KANK1: variants seen among roughly 807,000 people sequenced by gnomAD.
KANK1 encodes the protein KN motif and ankyrin repeat domain-containing protein 1.
A neutral mutation model predicts 106.2 loss-of-function variants in KANK1; 109 were observed. That is an observed-to-expected ratio of 1.03 (90% confidence interval 0.88 to 1.20). The LOEUF (loss-of-function observed/expected upper bound fraction) is 1.20, where lower values mean the gene tolerates loss of function less well. Ranked by LOEUF, KANK1 falls within the 50% of genes most tolerant of loss-of-function variation. The pLI is 0.00. For synonymous variants in KANK1, 873 were observed against 652.2 expected, an observed-to-expected ratio of 1.34 and a Z score of -5.16; for missense variants, 2,399 against 1,710.7, an observed-to-expected ratio of 1.40 and a Z score of -7.10.
At chr9:649,727 G>T (rs1840466494) in intron 1 of KANK1, among the ~76,000 whole-genome samples, 1 of 152,136 alleles carries the variant, frequency 6.6e-6, no homozygotes, top group Admixed American at 6.5e-5. Flanking sequence ...TTCATTCACT[G>T]TGAGCTATGT....
chr9:672,072 C>G (rs911809992), intron 1 of KANK1, among the ~76,000 whole-genome samples: 1 of 152,226 alleles, frequency 6.6e-6, no homozygotes, highest in Non-Finnish European at 1.5e-5. Flanking sequence ...ATATGCATCA[C>G]TCATTTATGC....
rs143137196 is a variant in KANK1 at position 535,444 on chromosome 9, C to G, written c.-84+30690C>G. 5.8e-3 allele frequency among the ~76,000 whole-genome samples: 878 copies of G among 152,304 alleles called. 12 individuals carry two copies. The highest frequency in any genetic ancestry group is 0.021 in the African/African-American group (864 of 41,550). On this transcript the variant is annotated intron_variant, in intron 1 of 11. Coordinates refer to ENST00000382297, the MANE Select transcript of KANK1 (RefSeq NM_015158.5). ...AGAGAAATAGCTCACATTTTTGGTG[C>G]CTACTCTGTACTGGGCACTGTACTG...
At chr9:527,701 T>C (rs2059858413) in intron 1 of KANK1, among the ~76,000 whole-genome samples, 2 of 151,392 alleles carry the variant, frequency 1.3e-5, no homozygotes, top group South Asian at 4.1e-4. Context: ...TGTCTTTTTT[T>C]TTTTTTTCTT....
intron 1 of KANK1, among the ~76,000 whole-genome samples, chr9:656,059 AG>A (rs1842073155): frequency 6.6e-6 from 1 of 152,160 alleles, no homozygotes; most frequent in Non-Finnish European, 1.5e-5. Context: ...TGCAGGAGCT[AG>A]TCACTTTTGG....
intron 2 of KANK1, among the ~76,000 whole-genome samples, chr9:705,130 C>T (rs145960818): frequency 6.3e-4 from 95 of 151,494 alleles, no homozygotes; most frequent in African/African-American, 2.1e-3. Context: ...ATGTCCTTAA[C>T]ACTAATATTT....
intron 1 of KANK1, among the ~76,000 whole-genome samples, chr9:637,172 C>T (rs1373579516): frequency 2.0e-5 from 3 of 152,182 alleles, no homozygotes; most frequent in Non-Finnish European, 2.9e-5. Context: ...CTTCTCTCAA[C>T]CCTATTCTTT....
At chr9:683,845 T>A (rs1382615762) in intron 2 of KANK1, among the ~76,000 whole-genome samples, 2 of 152,232 alleles carry the variant, frequency 1.3e-5, no homozygotes, top group Non-Finnish European at 2.9e-5. Flanking sequence ...GCATTTCAAC[T>A]TTCAATGAAA....
At chr9:570,079 T>G (rs927215291) in intron 1 of KANK1, among the ~76,000 whole-genome samples, 2 of 152,182 alleles carry the variant, frequency 1.3e-5, no homozygotes, top group African/African-American at 4.8e-5. Flanking sequence ...GTATTGGGTT[T>G]TTTGTTTGTT....
intron 1 of KANK1, among the ~76,000 whole-genome samples, chr9:535,580 G>T (rs1265592564): frequency 6.6e-6 from 1 of 152,168 alleles, no homozygotes; most frequent in East Asian, 1.9e-4. Flanking sequence ...AAGGAAAATG[G>T]CTTTACTCTC....
At chr9:600,172 G>C (rs1310394661) in intron 1 of KANK1, among the ~76,000 whole-genome samples, 2 of 151,418 alleles carry the variant, frequency 1.3e-5, no homozygotes, top group African/African-American at 4.9e-5. Flanking sequence ...CAAAACAAAA[G>C]CGCTATATCT....
intron 1 of KANK1, among the ~76,000 whole-genome samples, chr9:568,326 A>G (rs1401824436): frequency 6.6e-6 from 1 of 152,218 alleles, no homozygotes; most frequent in African/African-American, 2.4e-5. Context: ...TTATAAAGTA[A>G]GCATTTCCTT....
chr9:700,147 C>T (rs1481426543), intron 2 of KANK1, among the ~76,000 whole-genome samples: 1 of 152,146 alleles, frequency 6.6e-6, no homozygotes, highest in Non-Finnish European at 1.5e-5. Context: ...CCTGAATGAA[C>T]GGGTTTTATC....
At chr9:559,349 T>C (rs1252417323) in intron 1 of KANK1, among the ~76,000 whole-genome samples, 2 of 152,178 alleles carry the variant, frequency 1.3e-5, no homozygotes, top group African/African-American at 4.8e-5. Flanking sequence ...TGATTTTCAT[T>C]TTTTCCAAGC....
intron 3 of KANK1, among the ~76,000 whole-genome samples, chr9:492,758 C>T (rs1165677297): frequency 2.0e-5 from 3 of 152,088 alleles, no homozygotes; most frequent in Non-Finnish European, 2.9e-5. Flanking sequence ...GGTGCGGTGT[C>T]ATATGCCTAT....
intron 1 of KANK1, chr9:549,763 G>C (rs573189854): frequency 6.6e-6 from 1 of 152,316 alleles, no homozygotes; most frequent in Admixed American, 6.5e-5. Flanking sequence ...ACTATGAAGC[G>C]GGGTGAGGGG....
intron 3 of KANK1, among the ~76,000 whole-genome samples, chr9:715,735 C>G (rs1365547498): frequency 6.6e-6 from 1 of 152,186 alleles, no homozygotes; most frequent in Admixed American, 6.6e-5. Flanking sequence ...CACACAAGAA[C>G]AAATTTTAAG....
At chr9:484,416 G>A (rs192532550) in intron 3 of KANK1, 9 of 152,316 alleles carry the variant, frequency 5.9e-5, no homozygotes, top group African/African-American at 2.2e-4. Flanking sequence ...CAGTGCCTCT[G>A]CTCTGGGAAG....
rs1272226933 is a variant in KANK1, at chr9:597,434, GT to G, written c.-83-79452del. 5.9e-5 allele frequency among the ~76,000 whole-genome samples: 9 copies of G among 151,640 alleles called. No individual in the cohort carries two copies. In the East Asian group the frequency reaches 1.7e-3, roughly 29 times the overall value. ...GGGTATAAAGTAGTATTTTATTATG[GT>G]TTTGATTTATATTTTCCTAATGATT... On this transcript the variant is annotated intron_variant, in intron 1 of 11. Coordinates refer to ENST00000382297, the MANE Select transcript of KANK1 (RefSeq NM_015158.5).
At chr9:654,843 GAGAGAT>G (rs1383003733) in intron 1 of KANK1, among the ~76,000 whole-genome samples, 4 of 144,244 alleles carry the variant, frequency 2.8e-5, no homozygotes, top group African/African-American at 1.1e-4. Context: ...GAGAGAGAGA[GAGAGAT>G]AAAGGGAGGA....
Sources: gnomAD v4.1 joint callset for allele counts (sites outside exome capture counted in the v4.1 genomes callset) on GRCh38, gnomAD v4.1.1 for gene constraint, MANE v1.5 for transcripts, NCBI Gene and HGNC (gene_info 2026-07-23, HGNC 2026-07-21) for gene names.